The following DNAH11 variants were observed in gnomAD, a reference collection of about 807,000 sequenced individuals.
DNAH11 encodes axonemal beta dynein heavy chain 11.
A neutral mutation model predicts 526.0 loss-of-function variants in DNAH11; 442 were observed. The ratio of observed to expected loss-of-function variants is 0.84; its 90% CI spans 0.78 to 0.91. The LOEUF (loss-of-function observed/expected upper bound fraction) is 0.91. Ranked by LOEUF, DNAH11 falls within the 40% of genes least tolerant of loss-of-function variation. The pLI is 0.00. For synonymous variants in DNAH11, 2,461 were observed against 1,935.9 expected, an observed-to-expected ratio of 1.27 and a Z score of -7.12; for missense variants, 6,989 against 5,448.7, an observed-to-expected ratio of 1.28 and a Z score of -8.90.
chr7:21,625,711 G>C (rs1378749403), intron 25 of DNAH11, among the ~76,000 whole-genome samples: 1 of 151,962 alleles, frequency 6.6e-6, no homozygotes, highest in East Asian at 1.9e-4. Context: ...GTTTTCATTT[G>C]TCTCAATATA....
intron 45 of DNAH11, among the ~76,000 whole-genome samples, chr7:21,727,157 T>G (rs1785158294): frequency 6.6e-6 from 1 of 151,712 alleles, no homozygotes; most frequent in South Asian, 2.1e-4. Flanking sequence ...ATGATCTCGA[T>G]CTCCTGACCT....
chr7:21,573,074 C>G (rs779699307), intron 8 of DNAH11, among the ~76,000 whole-genome samples: 2 of 152,182 alleles, frequency 1.3e-5, no homozygotes, highest in Non-Finnish European at 2.9e-5. Context: ...GCAAGAGAGT[C>G]TTGATTTTGT....
At chr7:21,736,450 G>C (rs1274272320) in intron 46 of DNAH11, among the ~76,000 whole-genome samples, 1 of 152,128 alleles carries the variant, frequency 6.6e-6, no homozygotes, top group African/African-American at 2.4e-5. Flanking sequence ...GCAGGGAAAG[G>C]GGGCTCTGTT....
chr7:21,843,827 T>C (rs989259338), intron 66 of DNAH11, among the ~76,000 whole-genome samples: 1 of 152,168 alleles, frequency 6.6e-6, no homozygotes, highest in Admixed American at 6.5e-5. Context: ...GAAATGGTGA[T>C]GTGAAAAATA....
chr7:21,819,475 C>T (rs115756691), intron 65 of DNAH11, among the ~76,000 whole-genome samples: 1,637 of 152,254 alleles, frequency 0.011, 36 homozygotes, highest in African/African-American at 0.038. Context: ...AACTGCAACT[C>T]TTAACATAAA....
chr7:21,693,337 G>A (rs1783708144), intron 35 of DNAH11, among the ~76,000 whole-genome samples: 1 of 152,160 alleles, frequency 6.6e-6, no homozygotes, highest in South Asian at 2.1e-4. Context: ...TGGTCAGGAG[G>A]TATTTTATTA....
At chr7:21,720,588 G>A in intron 43 of DNAH11, 137 bp from the exon 44 acceptor site, 1 of 947,240 alleles carries the variant, frequency 1.1e-6, no homozygotes, top group Admixed American at 3.4e-5. Context: ...GGTAATTTTT[G>A]TCTCTCCCAA....
intron 25 of DNAH11, among the ~76,000 whole-genome samples, chr7:21,633,226 G>T (rs556794733): frequency 7.9e-5 from 12 of 152,272 alleles, no homozygotes; most frequent in African/African-American, 2.4e-4. Context: ...CATATCACTG[G>T]CCTAACATAT....
At chr7:21,759,806 G>A (rs761021825) in intron 54 of DNAH11, among the ~76,000 whole-genome samples, 31 of 151,950 alleles carry the variant, frequency 2.0e-4, no homozygotes, top group African/African-American at 3.6e-4. Flanking sequence ...TAAAAGAAAC[G>A]AAAACATATT....
At chr7:21,621,636 G>A (rs1786061765) in intron 25 of DNAH11, among the ~76,000 whole-genome samples, 1 of 151,880 alleles carries the variant, frequency 6.6e-6, no homozygotes, top group South Asian at 2.1e-4. Context: ...GATCAAGTGG[G>A]CTTCATCCCT....
chr7:21,668,806 G>C (rs1782523382), intron 30 of DNAH11, among the ~76,000 whole-genome samples: 2 of 152,112 alleles, frequency 1.3e-5, no homozygotes, highest in Admixed American at 6.5e-5. Flanking sequence ...ACTGGATTAA[G>C]TCTTTTTGTG....
At chr7:21,701,161 C>T (rs1314443239) in intron 36 of DNAH11, among the ~76,000 whole-genome samples, 1 of 152,176 alleles carries the variant, frequency 6.6e-6, no homozygotes, top group Non-Finnish European at 1.5e-5. Context: ...CTTCAAGCCT[C>T]AGCCTACTCC....
At chr7:21,777,027 A>T (rs899202419) in intron 56 of DNAH11, among the ~76,000 whole-genome samples, 1 of 151,886 alleles carries the variant, frequency 6.6e-6, no homozygotes, top group Non-Finnish European at 1.5e-5. Flanking sequence ...AGACACAGAA[A>T]ACTTCCATCT....
chr7:21,892,429 A>G lies in DNAH11; in HGVS notation c.12512A>G (p.Glu4171Gly). 6.2e-7 allele frequency: 1 copy of G among 1,609,780 alleles called. No individual in the cohort carries two copies. The highest frequency in any genetic ancestry group is 1.1e-5 in the South Asian group (1 of 90,848). The change falls in exon 77 of 82, where the codon GAA (glutamate) becomes GGA (glycine). Residue 4171 changes from glutamate (E) to glycine (G), a missense_variant. Physicochemically the swap from Glu to Gly is moderately conservative, Grantham distance 98. Transcript: ENST00000409508. Reference sequence around the variant, plus strand: ...ACTTTTCCTTTGTGGTTCAAGACTGAAGATGAACTGATGCTGGCACCAGGT... The same window carrying G: ...ACTTTTCCTTTGTGGTTCAAGACTGGAGATGAACTGATGCTGGCACCAGGT... The part of the protein sequence containing the change: ...LEEFMNPSLT[E>G]DELMLAPGFA...
At chr7:21,824,811 T>A (rs971385525) in intron 65 of DNAH11, among the ~76,000 whole-genome samples, 1 of 152,312 alleles carries the variant, frequency 6.6e-6, no homozygotes, top group Non-Finnish European at 1.5e-5. Context: ...TTTCCCTCAA[T>A]CATATGTTTC....
intron 65 of DNAH11, among the ~76,000 whole-genome samples, chr7:21,841,795 C>T (rs1782213847): frequency 6.6e-6 from 1 of 152,162 alleles, no homozygotes; most frequent in Non-Finnish European, 1.5e-5. Context: ...AGACGATAAT[C>T]ATACAAATGC....
intron 36 of DNAH11, among the ~76,000 whole-genome samples, chr7:21,700,698 T>G (rs1393615045): frequency 6.6e-6 from 1 of 152,138 alleles, no homozygotes; most frequent in Non-Finnish European, 1.5e-5. Flanking sequence ...AGCAAAGACT[T>G]GGAACCAACC....
chr7:21,731,144 GA>G (rs35600328), intron 45 of DNAH11, among the ~76,000 whole-genome samples: 44 of 143,552 alleles, frequency 3.1e-4, no homozygotes, highest in South Asian at 1.5e-3. Flanking sequence ...AACTGTCTCC[GA>G]AAAAAAAAAA....
chr7:21,597,280 G>A (rs968225020), intron 14 of DNAH11, among the ~76,000 whole-genome samples: 4 of 152,160 alleles, frequency 2.6e-5, no homozygotes, highest in East Asian at 1.9e-4. Flanking sequence ...GTGTATGACC[G>A]TGACATGATG....
Sources: gnomAD v4.1 joint callset for allele counts (sites outside exome capture counted in the v4.1 genomes callset) on GRCh38, gnomAD v4.1.1 for gene constraint, MANE v1.5 for transcripts, NCBI Gene and HGNC (gene_info 2026-07-23, HGNC 2026-07-21) for gene names.